The following SNRNP200 variants were observed in gnomAD, a reference collection of about 807,000 sequenced individuals.
The protein encoded by SNRNP200 is U5 small nuclear ribonucleoprotein 200 kDa helicase.
SNRNP200 carries 66 observed loss-of-function variants against 255.2 expected under a neutral mutation model. The ratio of observed to expected loss-of-function variants is 0.26; its 90% CI spans 0.21 to 0.32. The LOEUF is 0.32. Ranked by LOEUF, SNRNP200 falls within the 10% of genes least tolerant of loss-of-function variation. The pLI, the probability that SNRNP200 is intolerant of heterozygous loss-of-function variation, is 1.00. For synonymous variants in SNRNP200, 939 were observed against 1,027.8 expected, an observed-to-expected ratio of 0.91 and a Z score of 1.65; for missense variants, 1,585 against 2,749.8, an observed-to-expected ratio of 0.58 and a Z score of 9.47.
chr2:96,290,552 G>C lies in SNRNP200; in HGVS notation c.2554-38C>G. 1 of 1,613,714 alleles carries C rather than the reference G, an allele frequency of 6.2e-7. No individual in the cohort carries two copies. The highest frequency in any genetic ancestry group is 8.5e-7 in the Non-Finnish European group (1 of 1,179,630). On this transcript the variant is annotated intron_variant, in intron 19 of 44. Transcript: ENST00000323853. This position sits in a 1 kb window ranked among gnomAD's most constrained non-coding sequence, Gnocchi z 4.5. ...CAGCGAACCAAGAATGCTATGTCAAGAGAATGTCTGAATTTTGATGCAGGT... is the reference window on the plus strand; with the variant it reads ...CAGCGAACCAAGAATGCTATGTCAACAGAATGTCTGAATTTTGATGCAGGT...
At chr2:96,299,278 T>G (rs1558771532) in intron 6 of SNRNP200, 51 bp downstream of exon 6, 1 of 1,538,862 alleles carries the variant, frequency 6.5e-7, no homozygotes, top group Non-Finnish European at 9.0e-7. Flanking sequence ...GAAGAAGCAC[T>G]AACACCCAGA....
Position 96,283,836 on chromosome 2 carries a change from C to T in SNRNP200, c.4561G>A (p.Val1521Ile), listed in dbSNP as rs191776366. 65 of 1,606,984 alleles carry T rather than the reference C, an allele frequency of 4.0e-5. No homozygotes were observed. In the Admixed American group the frequency reaches 6.5e-4, roughly 16 times the overall value. ...TFNFHPNVRP[V>I]PLELHIQGFN... ...ACCTGGATGTGCAGCTCCAAGGGGA[C>T]GGGACGCACATTGGGATGGAAGTTG... Residue 1521 changes from valine (V) to isoleucine (I), a missense_variant, in exon 32 of 45, where the codon GTC (valine) becomes ATC (isoleucine). By Grantham distance (29) the Val-to-Ile change is conservative (BLOSUM62 3). Coordinates refer to ENST00000323853, the MANE Select transcript of SNRNP200 (RefSeq NM_014014.5). The surrounding 1 kb of genome is among the most constrained non-coding windows in gnomAD (Gnocchi z 4.7).
intron 14 of SNRNP200, among the ~76,000 whole-genome samples, chr2:96,294,874 T>A (rs992387709): frequency 1.3e-5 from 2 of 152,164 alleles, no homozygotes; most frequent in Non-Finnish European, 2.9e-5. Flanking sequence ...TGGCTTAAGA[T>A]CAAGTGTAGT....
chr2:96,283,202 T>A lies in SNRNP200; in HGVS notation c.4914A>T (p.Ser1638=), dbSNP rs991988790. The A allele has an allele frequency of 1.2e-6, 2 of 1,614,038 alleles. No individual in the cohort carries two copies. The highest frequency in any genetic ancestry group is 2.7e-5 in the African/African-American group (2 of 74,952). ...ERRLVEQLFS[S]GAIQVVVASR... is the part of the protein sequence containing the mutation. ...CTCCCCTTCCGTGGCCTGACTTACC[T>A]GAGCTGAAGAGCTGCTCCACCAGGC... is the stretch of plus-strand genomic sequence containing the variant. The change falls in exon 34 of 45, where the codon TCA becomes TCT. Residue 1638 remains serine, a splice_region_variant and synonymous_variant. Coordinates refer to ENST00000323853, the MANE Select transcript of SNRNP200 (RefSeq NM_014014.5). The surrounding 1 kb of genome is among the most constrained non-coding windows in gnomAD (Gnocchi z 4.7).
rs775315762 is a variant in SNRNP200 at position 96,291,499 on chromosome 2, G to A, written c.2314C>T (p.Leu772=). ...LRTEAEQCKN[L]ELKDLLPYGF... is the part of the protein sequence containing the mutation. ...TAAGGCAGAAGATCCTTCAGCTCTA[G>A]GTTCTGTGGAACAAAGAACCGGGGA... The change falls in exon 18 of 45, where the codon CTA becomes TTA. Residue 772 remains leucine, a synonymous_variant. Coordinates refer to ENST00000323853, the MANE Select transcript of SNRNP200 (RefSeq NM_014014.5). The surrounding 1 kb of genome is among the most constrained non-coding windows in gnomAD (Gnocchi z 4.2). 1.2e-5 allele frequency: 19 copies of A among 1,603,264 alleles called. No individual in the cohort carries two copies. Among genetic ancestry groups the A allele is most frequent in the African/African-American group, 8.0e-5 (6 of 74,734 alleles).
chr2:96,287,042 C>T lies in SNRNP200; in HGVS notation c.3603G>A (p.Glu1201=), dbSNP rs1204949958. The change falls in exon 27 of 45, where the codon GAG becomes GAA. Residue 1201 remains glutamate (E), a synonymous_variant. Transcript: ENST00000323853. This position sits in a 1 kb window ranked among gnomAD's most constrained non-coding sequence, Gnocchi z 5.7. Reference sequence around the variant, plus strand: ...ACTGGAAGTCTGGCGTGATGGTCAGCTCCACCTTCAGGGTGGAGCGTGTGA... The same window carrying T: ...ACTGGAAGTCTGGCGTGATGGTCAGTTCCACCTTCAGGGTGGAGCGTGTGA... ...QPITRSTLKV[E]LTITPDFQWD... is the part of the protein sequence containing the mutation. 3 of 1,614,222 alleles carry T rather than the reference C, an allele frequency of 1.9e-6. No individual in the cohort carries two copies. Among genetic ancestry groups the T allele is most frequent in the Non-Finnish European group, 1.7e-6 (2 of 1,180,040 alleles).
intron 9 of SNRNP200, 129 bp downstream of exon 9, chr2:96,298,155 G>C (rs981605299): frequency 1.2e-5 from 17 of 1,393,274 alleles, no homozygotes; most frequent in Non-Finnish European, 1.5e-5. Flanking sequence ...TGTATGCACT[G>C]ATAAACCCCA....
At chr2:96,301,844 C>T (rs1386606249) in intron 3 of SNRNP200, 128 bp from the exon 4 acceptor site, 1 of 918,236 alleles carries the variant, frequency 1.1e-6, no homozygotes, top group African/African-American at 1.6e-5. Flanking sequence ...TAGGCTCTGA[C>T]CTTTCTCATT....
rs1182083722 is a variant in SNRNP200, at chr2:96,293,343, G to A, written c.2009C>T (p.Ala670Val). ...DVATFLRVDP[A>V]KGLFYFDNSF... The stretch of plus-strand genomic sequence containing the variant: ...GTTGTCAAAGTAAAAGAGACCCTTG[G>A]CAGGGTCAACACGTAGAAAGGTGGC... Residue 670 changes from alanine to valine, a missense_variant, in exon 15 of 45, where the codon GCC becomes GTC. This residue lies in a region of SNRNP200 where 140 missense variants were observed against 274.9 expected (regional missense o/e 0.51). Coordinates refer to ENST00000323853, the MANE Select transcript of SNRNP200 (RefSeq NM_014014.5). 1 of 1,614,002 alleles carries A rather than the reference G, an allele frequency of 6.2e-7. No homozygotes were observed. The highest frequency in any genetic ancestry group is 1.3e-5 in the African/African-American group (1 of 74,918).
intron 13 of SNRNP200, 33 bp downstream of exon 13, chr2:96,296,503 A>G: frequency 6.2e-7 from 1 of 1,611,998 alleles, no homozygotes; most frequent in South Asian, 1.1e-5. Context: ...AGGTGCACCC[A>G]GTATCCTCTG....
rs747801470 is a variant in SNRNP200 at position 96,304,690 on chromosome 2, C to A, written c.209+15G>T. On this transcript the variant is annotated intron_variant, in intron 2 of 44. Coordinates refer to ENST00000323853, the MANE Select transcript of SNRNP200 (RefSeq NM_014014.5). ...TTGGATCTGAAGGAAAAAATAGTAT[C>A]CCCTTGGCACTCACTTGGCTCTTCT... 4 of 1,613,868 alleles carry A rather than the reference C, an allele frequency of 2.5e-6. No homozygotes were observed. The highest frequency in any genetic ancestry group is 4.5e-5 in the East Asian group (2 of 44,894).
At chr2:96,296,736 T>G (rs772420168) in intron 12 of SNRNP200, 45 bp from the exon 13 acceptor site, 1 of 1,609,376 alleles carries the variant, frequency 6.2e-7, no homozygotes, top group Non-Finnish European at 8.5e-7. Flanking sequence ...ACCTGGTTAT[T>G]CTCACTGCCC....
chr2:96,280,124 C>A (rs771199955), intron 35 of SNRNP200, among the ~76,000 whole-genome samples: 57 of 152,308 alleles, frequency 3.7e-4, no homozygotes, highest in Non-Finnish European at 7.2e-4. Flanking sequence ...TTTAACCCTA[C>A]CTAGAAGCAG....
chr2:96,284,011 A>AGAGG lies in SNRNP200; in HGVS notation c.4393-11_4393-8dup, dbSNP rs752499482. On this transcript the variant is annotated splice_polypyrimidine_tract_variant and splice_region_variant and intron_variant, in intron 31 of 44. Coordinates refer to ENST00000323853, the MANE Select transcript of SNRNP200 (RefSeq NM_014014.5). ...AGATCACTTCTAAGACAGGCTGGAAAGAGGGAGGGAGGGAGGGTCACTGCA... is the reference window on the plus strand; with the variant it reads ...AGATCACTTCTAAGACAGGCTGGAAAGAGGGAGGGAGGGAGGGAGGGTCACTGCA... The AGAGG allele has an allele frequency of 8.3e-6, 7 of 841,940 alleles. No individual in the cohort carries two copies. Among genetic ancestry groups the AGAGG allele is most frequent in the Admixed American group, 6.3e-5 (3 of 47,356 alleles). The allele number at this position is 841,940 out of a possible 1,614,324, so 52.2% of individuals were successfully genotyped here.
At chr2:96,305,288 T>G in intron 1 of SNRNP200, 105 bp downstream of exon 1, 1 of 1,441,764 alleles carries the variant, frequency 6.9e-7, no homozygotes, top group Non-Finnish European at 9.8e-7. Context: ...TTCCCCTTCG[T>G]TTTCGTGGCT....
intron 1 of SNRNP200, 46 bp downstream of exon 1, chr2:96,305,347 C>G (rs114657265): frequency 3.1e-6 from 5 of 1,612,154 alleles, no homozygotes; most frequent in Admixed American, 1.7e-5. Flanking sequence ...CTCCCCCTCC[C>G]CATTGGACTC....
At chr2:96,301,134 C>G in intron 4 of SNRNP200, 81 bp from the exon 5 acceptor site, 1 of 1,153,804 alleles carries the variant, frequency 8.7e-7, no homozygotes, top group Non-Finnish European at 1.3e-6. Context: ...TCCTCCCCGA[C>G]TACCTCTCCT....
At chr2:96,284,064 G>A in intron 31 of SNRNP200, 60 bp from the exon 32 acceptor site, 4 of 1,490,074 alleles carry the variant, frequency 2.7e-6, no homozygotes, top group Non-Finnish European at 2.7e-6. Flanking sequence ...TCTGCCTGGA[G>A]GTCCCCTTTG....
At chr2:96,280,653 G>A (rs893482115) in intron 35 of SNRNP200, among the ~76,000 whole-genome samples, 12 of 151,964 alleles carry the variant, frequency 7.9e-5, no homozygotes, top group South Asian at 2.1e-4. Flanking sequence ...GGGTTCCAGC[G>A]ATTCTCCTGC....
Sources: allele counts gnomAD v4.1 joint callset (sites outside exome capture counted in the v4.1 genomes callset), GRCh38; gene constraint gnomAD v4.1.1; regional missense constraint gnomAD v4.1.1; non-coding constraint Gnocchi (gnomAD v3.1); transcripts MANE v1.5; gene names NCBI Gene and HGNC (gene_info 2026-07-23, HGNC 2026-07-21).